The following TRPC5 variants were observed in gnomAD, a reference collection of about 807,000 sequenced individuals.
TRPC5 encodes the protein short transient receptor potential channel 5.
A neutral mutation model predicts 56.5 loss-of-function variants in TRPC5; 9 were observed. The ratio of observed to expected loss-of-function variants is 0.16; its 90% CI spans 0.10 to 0.28. TRPC5 has a LOEUF of 0.28. Ranked by LOEUF, TRPC5 falls within the 10% of genes least tolerant of loss-of-function variation. The pLI is 1.00. For synonymous variants in TRPC5, 282 were observed against 278.5 expected (o/e 1.01, Z -0.13); for missense variants, 469 against 748.9 (o/e 0.63, Z 4.36).
intron 1 of TRPC5, among the ~76,000 whole-genome samples, chrX:111,979,427 T>C (rs1928019429): frequency 9.0e-6 from 1 of 111,570 alleles, no homozygotes; most frequent in South Asian, 3.7e-4. Context: ...ATTTCTTCGA[T>C]ATAACATCAA....
chrX:111,987,217 T>A (rs188178428), intron 1 of TRPC5, among the ~76,000 whole-genome samples: 11 of 112,118 alleles, frequency 9.8e-5, no homozygotes, highest in African/African-American at 3.6e-4. Context: ...AGATTAAGAC[T>A]TTTTTATTGT....
intron 3 of TRPC5, among the ~76,000 whole-genome samples, chrX:111,884,995 C>T (rs1280474231): frequency 8.9e-6 from 1 of 112,609 alleles, no homozygotes; most frequent in African/African-American, 3.2e-5. Context: ...CCAGTTAAGG[C>T]CTATCCAGGG....
At chrX:112,038,847 AT>A (rs750713100) in intron 1 of TRPC5, among the ~76,000 whole-genome samples, 5,491 of 88,142 alleles carry the variant, frequency 0.062, 343 homozygotes, top group African/African-American at 0.19. Context: ...ATGCCCGGCT[AT>A]TTTTTTTTTT....
At chrX:111,828,525 G>A (rs900783905) in intron 7 of TRPC5, among the ~76,000 whole-genome samples, 2 of 111,811 alleles carry the variant, frequency 1.8e-5, no homozygotes, top group Non-Finnish European at 3.8e-5. Flanking sequence ...AAATTACCCA[G>A]TCTTGGGTAT....
chrX:111,886,439 A>T (rs763618745), intron 3 of TRPC5, among the ~76,000 whole-genome samples: 13 of 112,254 alleles, frequency 1.2e-4, no homozygotes, highest in African/African-American at 3.9e-4. Context: ...TTGGTAGATT[A>T]TGCTTGCATT....
chrX:111,934,218 T>A (rs1569528276), intron 2 of TRPC5, among the ~76,000 whole-genome samples: 1 of 110,239 alleles, frequency 9.1e-6, no homozygotes, highest in African/African-American at 3.3e-5. Flanking sequence ...ATAAAGTGTT[T>A]CTCCTTCGTT....
chrX:111,782,323 CA>C (rs1401583459), intron 7 of TRPC5, among the ~76,000 whole-genome samples, 185 bp from the exon 8 acceptor site: 1 of 111,977 alleles, frequency 8.9e-6, no homozygotes, highest in Admixed American at 9.5e-5. Flanking sequence ...AATATACTTA[CA>C]AAAACATGTA....
chrX:111,934,876 G>A (rs764108743), intron 2 of TRPC5, among the ~76,000 whole-genome samples: 16 of 112,227 alleles, frequency 1.4e-4, no homozygotes, highest in South Asian at 3.7e-4. Context: ...TCTGTTGATC[G>A]ACAAGTTAGT....
rs111661031 is a variant in TRPC5 at position 112,027,796 on chromosome X, G to A, written c.-22+54083C>T. On this transcript the variant is annotated intron_variant, in intron 1 of 10. Coordinates refer to ENST00000262839, the MANE Select transcript of TRPC5 (RefSeq NM_012471.3). ...CAGGCGTGAGCCACCGCGCCTGGCC[G>A]AGTACCTCAAAGTTATTTCATACTG... is the stretch of plus-strand genomic sequence containing the variant. 4.5e-3 allele frequency among the ~76,000 whole-genome samples: 509 copies of A among 111,988 alleles called. 2 individuals carry two copies. The highest frequency in any genetic ancestry group is 0.015 in the African/African-American group (478 of 30,884).
intron 2 of TRPC5, among the ~76,000 whole-genome samples, chrX:111,928,567 T>C (rs1926323208): frequency 8.9e-6 from 1 of 112,070 alleles, no homozygotes; most frequent in Admixed American, 9.5e-5. Flanking sequence ...TCAAGCAGTA[T>C]ACCTTTCGCT....
chrX:111,990,097 T>C (rs1019857945), intron 1 of TRPC5, among the ~76,000 whole-genome samples: 2 of 112,349 alleles, frequency 1.8e-5, no homozygotes, highest in Admixed American at 1.9e-4. Flanking sequence ...CTAAGTAGTC[T>C]CCAAGGTTCC....
chrX:111,873,041 A>G (rs1421959396), intron 3 of TRPC5, among the ~76,000 whole-genome samples: 2 of 112,584 alleles, frequency 1.8e-5, no homozygotes, highest in Non-Finnish European at 3.8e-5. Flanking sequence ...CATTCTATCA[A>G]AAAGATACCT....
intron 1 of TRPC5, among the ~76,000 whole-genome samples, chrX:112,021,434 A>G (rs1039553289): frequency 8.9e-6 from 1 of 112,104 alleles, no homozygotes; most frequent in Non-Finnish European, 1.9e-5. Context: ...CCTACTAACC[A>G]GTGGTACAAT....
chrX:111,985,369 T>A (rs1928186418), intron 1 of TRPC5, among the ~76,000 whole-genome samples: 1 of 112,119 alleles, frequency 8.9e-6, no homozygotes, highest in Non-Finnish European at 1.9e-5. Context: ...CATAACCCCC[T>A]ACTGTGACTA....
At chrX:111,885,322 G>A (rs1924428677) in intron 3 of TRPC5, among the ~76,000 whole-genome samples, 2 of 112,117 alleles carry the variant, frequency 1.8e-5, no homozygotes, top group African/African-American at 6.5e-5. Context: ...CCTAGTAAGA[G>A]TCTAGTTAAG....
intron 1 of TRPC5, among the ~76,000 whole-genome samples, chrX:111,969,050 A>G (rs1168929028): frequency 1.8e-5 from 2 of 110,027 alleles, no homozygotes; most frequent in East Asian, 2.8e-4. Flanking sequence ...AATAAATAAC[A>G]AAACAAAACA....
chrX:112,030,677 T>G (rs1228321530), intron 1 of TRPC5, among the ~76,000 whole-genome samples: 2 of 112,320 alleles, frequency 1.8e-5, no homozygotes, highest in African/African-American at 6.5e-5. Flanking sequence ...TCACACAGAA[T>G]GTTTTACTAT....
intron 1 of TRPC5, among the ~76,000 whole-genome samples, chrX:112,044,615 C>T (rs939640131): frequency 8.9e-5 from 10 of 112,243 alleles, no homozygotes; most frequent in African/African-American, 3.2e-4. Context: ...AAACATTATG[C>T]TGTCATGGAC....
intron 3 of TRPC5, among the ~76,000 whole-genome samples, chrX:111,905,914 C>CAAAAAAAAAAAAAAAAA (rs1202912083): frequency 1.6e-4 from 6 of 37,011 alleles, no homozygotes; most frequent in African/African-American, 5.8e-4. Context: ...GTCTCTGTCT[C>CAAAAAAAAAAAAAAAAA]AAAAAAAAAA....
Sources: allele counts gnomAD v4.1 joint callset (sites outside exome capture counted in the v4.1 genomes callset), GRCh38; gene constraint gnomAD v4.1.1; transcripts MANE v1.5; gene names NCBI Gene and HGNC (gene_info 2026-07-23, HGNC 2026-07-21).